CAB39L: variants seen among roughly 807,000 people sequenced by gnomAD.
The protein encoded by CAB39L is calcium-binding protein 39-like.
Under a neutral mutation model 39.1 loss-of-function variants are expected in CAB39L, and 23 were observed. The ratio of observed to expected loss-of-function variants is 0.59; its 90% CI spans 0.42 to 0.83. CAB39L has a LOEUF of 0.83. CAB39L is among the 40% of genes least tolerant of loss of function. CAB39L has a pLI of 0.00. For missense variants in CAB39L, 366 were observed against 391.9 expected (o/e 0.93, Z 0.56); for synonymous variants, 126 against 137.2 (o/e 0.92, Z 0.57).
At chr13:49,340,254 G>A (rs765663579) in intron 8 of CAB39L, among the ~76,000 whole-genome samples, 3 of 152,204 alleles carry the variant, frequency 2.0e-5, no homozygotes, top group Non-Finnish European at 4.4e-5. Flanking sequence ...GGACACTGGT[G>A]CACGAAGTCT....
At chr13:49,317,282 C>A (rs543875508) in intron 10 of CAB39L, among the ~76,000 whole-genome samples, 1 of 152,144 alleles carries the variant, frequency 6.6e-6, no homozygotes, top group Non-Finnish European at 1.5e-5. Flanking sequence ...CTAAACCCAG[C>A]ACTTTGGGAG....
chr13:49,319,950 C>T (rs188136298), intron 10 of CAB39L, among the ~76,000 whole-genome samples: 2 of 152,180 alleles, frequency 1.3e-5, no homozygotes, highest in African/African-American at 4.8e-5. Context: ...TGCAGACAGG[C>T]ATCACTGGTT....
At chr13:49,357,739 C>CT (rs1955525513) in intron 6 of CAB39L, among the ~76,000 whole-genome samples, 1 of 152,152 alleles carries the variant, frequency 6.6e-6, no homozygotes, top group South Asian at 2.1e-4. Context: ...GAATCTCAGC[C>CT]TCCCACCCCA....
chr13:49,392,186 T>C (rs1331509501), intron 3 of CAB39L, among the ~76,000 whole-genome samples: 2 of 152,162 alleles, frequency 1.3e-5, no homozygotes, highest in East Asian at 3.8e-4. Context: ...ATACTACATA[T>C]ACAGTGTATG....
chr13:49,323,473 G>A (rs1453128228), intron 10 of CAB39L, among the ~76,000 whole-genome samples: 1 of 152,106 alleles, frequency 6.6e-6, no homozygotes, highest in Non-Finnish European at 1.5e-5. Context: ...CTTCCCGGAG[G>A]CCTTCAGCTC....
At chr13:49,421,759 C>G (rs1357727024) in intron 3 of CAB39L, among the ~76,000 whole-genome samples, 1 of 152,058 alleles carries the variant, frequency 6.6e-6, no homozygotes, top group Non-Finnish European at 1.5e-5. Flanking sequence ...AACAAGCAAA[C>G]CCCCTCCCCT....
intron 6 of CAB39L, among the ~76,000 whole-genome samples, chr13:49,352,775 T>C (rs1338551111): frequency 6.6e-6 from 1 of 152,106 alleles, no homozygotes; most frequent in Non-Finnish European, 1.5e-5. Flanking sequence ...AATCTGACCA[T>C]ATTTTTAAAG....
At chr13:49,370,126 G>A (rs1457718659) in intron 5 of CAB39L, among the ~76,000 whole-genome samples, 5 of 147,852 alleles carry the variant, frequency 3.4e-5, no homozygotes, top group South Asian at 4.2e-4. Context: ...ACAGTCTACC[G>A]GGTGAGGGGT....
intron 5 of CAB39L, among the ~76,000 whole-genome samples, chr13:49,362,549 G>T (rs572631511): frequency 6.6e-6 from 1 of 151,496 alleles, no homozygotes; most frequent in Admixed American, 6.6e-5. Context: ...TGCAGTTAGA[G>T]GAGACAAAAG....
At chr13:49,405,749 G>GGAAGGAAGGAAGGAAGGAAGGAAGGAA (rs1566122271) in intron 3 of CAB39L, among the ~76,000 whole-genome samples, 1 of 144,874 alleles carries the variant, frequency 6.9e-6, no homozygotes, top group African/African-American at 2.5e-5. Flanking sequence ...AAGGAAGGAA[G>GGAAGGAAGGAAGGAAGGAAGGAAGGAA]GGAGGGAGGG....
rs1566066049 is a variant in CAB39L, at chr13:49,329,546, T to TAC, written c.834+2400_834+2401insGT. 5.8e-3 allele frequency among the ~76,000 whole-genome samples: 52 copies of TAC among 8,944 alleles called. 1 individual carries two copies. Among genetic ancestry groups the TAC allele is most frequent in the African/African-American group, 0.031 (47 of 1,516 alleles). 5.9% of individuals were successfully genotyped at this position (8,944 alleles called of 152,430 possible). A position where few individuals can be genotyped will look rare whatever the true frequency, so the allele number is the denominator to read the frequency against. On this transcript the variant is annotated intron_variant, in intron 10 of 10. Coordinates refer to ENST00000409308, the MANE Select transcript of CAB39L (RefSeq NM_001079670.3). ...ATATCTCTTCAATTAAAAAAAAAAATATATATATATATATATATATATATA... is the reference window on the plus strand; with the variant it reads ...ATATCTCTTCAATTAAAAAAAAAAATACATATATATATATATATATATATATA...
chr13:49,331,875 G>T, intron 10 of CAB39L, 72 bp downstream of exon 10: 1 of 1,380,266 alleles, frequency 7.2e-7, no homozygotes, highest in Non-Finnish European at 1.0e-6. Flanking sequence ...AGAGTAAAGA[G>T]CAGGGAGTTT....
intron 5 of CAB39L, among the ~76,000 whole-genome samples, chr13:49,375,009 A>G (rs149595287): frequency 6.6e-6 from 1 of 152,310 alleles, no homozygotes; most frequent in African/African-American, 2.4e-5. Context: ...GTCACTGACC[A>G]ACTAAATCTA....
chr13:49,375,775 C>CCCT (rs1402853852), intron 5 of CAB39L, among the ~76,000 whole-genome samples: 2 of 149,240 alleles, frequency 1.3e-5, no homozygotes, highest in Non-Finnish European at 3.0e-5. Flanking sequence ...TGCGCATGTA[C>CCCT]CCTAGAACTT....
At chr13:49,432,204 G>A (rs1280947226) in intron 3 of CAB39L, among the ~76,000 whole-genome samples, 2 of 152,024 alleles carry the variant, frequency 1.3e-5, no homozygotes, top group Admixed American at 1.3e-4. Context: ...GCCCAGGCTG[G>A]AGTGCAGTGG....
At chr13:49,388,934 T>C (rs1407821094) in intron 3 of CAB39L, among the ~76,000 whole-genome samples, 1 of 152,172 alleles carries the variant, frequency 6.6e-6, no homozygotes, top group East Asian at 1.9e-4. Flanking sequence ...TCTGCCCTAC[T>C]TCCCACATCA....
intron 1 of CAB39L, 60 bp from the exon 2 acceptor site, chr13:49,434,283 C>A: frequency 2.5e-6 from 1 of 406,112 alleles, no homozygotes; most frequent in Non-Finnish European, 4.9e-6. Flanking sequence ...GGTTTTAAAT[C>A]TCAATCTTCT....
chr13:49,418,293 G>A (rs746164690), intron 3 of CAB39L, among the ~76,000 whole-genome samples: 2 of 152,160 alleles, frequency 1.3e-5, no homozygotes, highest in Non-Finnish European at 2.9e-5. Context: ...GTCACATATT[G>A]TATGATTCCA....
intron 5 of CAB39L, among the ~76,000 whole-genome samples, chr13:49,365,034 G>A (rs1325390161): frequency 6.6e-6 from 1 of 152,054 alleles, no homozygotes; most frequent in Non-Finnish European, 1.5e-5. Context: ...CACATGACTT[G>A]ACTTTGAATT....
Sources: allele counts gnomAD v4.1 joint callset (sites outside exome capture counted in the v4.1 genomes callset), GRCh38; gene constraint gnomAD v4.1.1; transcripts MANE v1.5; gene names NCBI Gene and HGNC (gene_info 2026-07-23, HGNC 2026-07-21).